The following BRDT variants were observed in gnomAD, a reference collection of about 807,000 sequenced individuals.
The protein encoded by BRDT is bromodomain testis associated.
In BRDT, 77 loss-of-function variants were observed where a neutral mutation model predicts 113.9. The observed-to-expected ratio is 0.68, with a 90% CI of 0.56 to 0.82. The LOEUF (loss-of-function observed/expected upper bound fraction) is 0.82, where lower values mean the gene tolerates loss of function less well. BRDT is among the 40% of genes least tolerant of loss of function. The probability of loss-of-function intolerance (pLI) is 0.00; values close to 1 mark genes in which losing one functional copy is unlikely to be tolerated. For synonymous variants in BRDT, 358 were observed against 366.5 expected (o/e 0.98, Z 0.26); for missense variants, 1,027 against 1,105.4 (o/e 0.93, Z 1.01).
At chr1:91,966,281 C>T (rs1018462927) in intron 3 of BRDT, among the ~76,000 whole-genome samples, 8 of 152,132 alleles carry the variant, frequency 5.3e-5, no homozygotes, top group Non-Finnish European at 1.0e-4. Context: ...TTTGTGATTT[C>T]GTTTATTCAA....
intron 12 of BRDT, among the ~76,000 whole-genome samples, chr1:91,988,766 T>C (rs1014124451): frequency 2.6e-5 from 4 of 152,172 alleles, no homozygotes; most frequent in African/African-American, 9.7e-5. Flanking sequence ...GAAATATGGC[T>C]GTAGTTTGGT....
At chr1:91,973,489 G>T (rs1016986308) in intron 4 of BRDT, among the ~76,000 whole-genome samples, 2 of 152,142 alleles carry the variant, frequency 1.3e-5, no homozygotes, top group East Asian at 3.9e-4. Flanking sequence ...CCTTGAAGAG[G>T]TCCTTCACAT....
intron 1 of BRDT, among the ~76,000 whole-genome samples, chr1:91,957,157 G>A (rs978757039): frequency 1.1e-4 from 16 of 152,154 alleles, no homozygotes; most frequent in African/African-American, 3.9e-4. Context: ...AAACTTTTGT[G>A]TTAGCGCTGA....
In BRDT at chr1:91,978,239, T is replaced by C; in HGVS notation, c.1041T>C (p.Asn347=). The change falls in exon 7 of 19, where the codon AAT becomes AAC. Residue 347 remains asparagine, a synonymous_variant. Transcript: ENST00000399546. ...FAADVRLMFM[N]CYKYNPPDHE... ...CAGATGTTAGATTAATGTTCATGAA[T>C]TGCTACAAGTACAATCCTCCAGATC... is the stretch of plus-strand genomic sequence containing the variant. 1 of 1,614,142 alleles carries C rather than the reference T, an allele frequency of 6.2e-7. No homozygotes were observed. The highest frequency in any genetic ancestry group is 8.5e-7 in the Non-Finnish European group (1 of 1,179,990).
chr1:91,983,901 T>C (rs977128585), intron 12 of BRDT, among the ~76,000 whole-genome samples: 16 of 152,160 alleles, frequency 1.1e-4, no homozygotes, highest in Admixed American at 4.6e-4. Context: ...AGGCTGGTCT[T>C]GAACTCCTGA....
At chr1:91,963,880 CT>C (rs755535465) in intron 2 of BRDT, among the ~76,000 whole-genome samples, 85 of 139,664 alleles carry the variant, frequency 6.1e-4, no homozygotes, top group Non-Finnish European at 5.9e-4. Flanking sequence ...AGAATATGGC[CT>C]TTTTTTTTTT....
At chr1:91,975,207 C>G (rs1236234510) in intron 4 of BRDT, among the ~76,000 whole-genome samples, 1 of 151,736 alleles carries the variant, frequency 6.6e-6, no homozygotes, top group Non-Finnish European at 1.5e-5. Context: ...GTGTAGCACA[C>G]CAACATGGCA....
chr1:91,977,521 G>GTGA, intron 6 of BRDT, 128 bp downstream of exon 6: 1 of 790,424 alleles, frequency 1.3e-6, no homozygotes, highest in Non-Finnish European at 1.9e-6. Context: ...ACTATCTGGA[G>GTGA]TGAGTCTCTG....
intron 17 of BRDT, 95 bp from the exon 18 acceptor site, chr1:92,005,023 CT>C (rs138799474): frequency 0.06 from 57,780 of 957,644 alleles, 1,928 homozygotes; most frequent in African/African-American, 0.097. Flanking sequence ...ACATGGTTGT[CT>C]TAATATATGG....
In BRDT at chr1:92,004,465, A is replaced by G; in HGVS notation, c.2440A>G (p.Lys814Glu). 6.2e-7 allele frequency: 1 copy of G among 1,610,820 alleles called. No individual in the cohort carries two copies. The highest frequency in any genetic ancestry group is 2.2e-5 in the East Asian group (1 of 44,790). Residue 814 changes from lysine to glutamate, a missense_variant, in exon 17 of 19, where the codon AAA (lysine) becomes GAA (glutamate). Transcript: ENST00000399546. ...ATGGAAAAGTTTAGGCAAACCAGTGAAACCATCAGGTGTAATGAAATCCTC... is the reference window on the plus strand; with the variant it reads ...ATGGAAAAGTTTAGGCAAACCAGTGGAACCATCAGGTGTAATGAAATCCTC... ...DSWKSLGKPV[K>E]PSGVMKSSDE...
At chr1:91,961,680 A>G (rs1319084879) in intron 1 of BRDT, among the ~76,000 whole-genome samples, 1 of 152,102 alleles carries the variant, frequency 6.6e-6, no homozygotes, top group Non-Finnish European at 1.5e-5. Flanking sequence ...ATTAGCCAGA[A>G]CATTTTTTTA....
rs774622302 is a variant in BRDT, at chr1:91,977,248, A to C, written c.824A>C (p.His275Pro). ...KTVKVTEQLR[H>P]CSEILKEMLA... is the part of the protein sequence containing the mutation. ...GTTAAAGTAACTGAACAATTAAGGC[A>C]CTGTAGTGAGATTCTTAAAGAAATG... is the stretch of plus-strand genomic sequence containing the variant. Residue 275 changes from histidine to proline, a missense_variant, in exon 6 of 19, where the codon CAC becomes CCC. Coordinates refer to ENST00000399546, the MANE Select transcript of BRDT (RefSeq NM_207189.4). 1 of 1,614,094 alleles carries C rather than the reference A, an allele frequency of 6.2e-7. No individual in the cohort carries two copies. Among genetic ancestry groups the C allele is most frequent in the African/African-American group, 1.3e-5 (1 of 75,060 alleles).
rs142071252 is a variant in BRDT at position 91,964,665 on chromosome 1, T to C, written c.231T>C (p.Asn77=). ...TTATAAAAAACCCAATGGATTTAAA[T>C]ACAATTAAGAAGCGCTTGGAGAATA... ...YTIIKNPMDL[N]TIKKRLENKY... The change falls in exon 3 of 19, where the codon AAT becomes AAC. Residue 77 remains asparagine (N), a synonymous_variant. Transcript: ENST00000399546. 1.4e-5 allele frequency: 21 copies of C among 1,484,474 alleles called. 1 individual carries two copies. The highest frequency in any genetic ancestry group is 1.8e-5 in the Non-Finnish European group (19 of 1,080,968). 92.0% of individuals were successfully genotyped at this position (1,484,474 alleles called of 1,614,324 possible).
At chr1:91,973,821 T>G (rs199814441) in intron 4 of BRDT, among the ~76,000 whole-genome samples, 1 of 152,146 alleles carries the variant, frequency 6.6e-6, no homozygotes, top group Non-Finnish European at 1.5e-5. Context: ...CTATGTTGAA[T>G]AGGAGTGGTG....
intron 15 of BRDT, 107 bp from the exon 16 acceptor site, chr1:92,001,942 T>A (rs1461384952): frequency 4.3e-6 from 3 of 691,544 alleles, no homozygotes; most frequent in Non-Finnish European, 7.1e-6. Context: ...AAAAAATTAG[T>A]CTCTTTGTTT....
At position 91,977,298 on chromosome 1, in the gene BRDT, G is replaced by T. The variant is rs1684243445; in HGVS notation, c.874G>T (p.Ala292Ser). Reference sequence around the variant, plus strand: ...GCTTGCAAAGAAACATTTTTCATATGCATGGCCCTTTTATAATCCTGTTGA... The same window carrying T: ...GCTTGCAAAGAAACATTTTTCATATTCATGGCCCTTTTATAATCCTGTTGA... ...EMLAKKHFSY[A>S]WPFYNPVDVN... is the part of the protein sequence containing the mutation. Residue 292 changes from alanine (A) to serine (S), a missense_variant, in exon 6 of 19, where the codon GCA (alanine) becomes TCA (serine). Coordinates refer to ENST00000399546, the MANE Select transcript of BRDT (RefSeq NM_207189.4). 1 of 1,613,936 alleles carries T rather than the reference G, an allele frequency of 6.2e-7. No homozygotes were observed. Among genetic ancestry groups the T allele is most frequent in the Non-Finnish European group, 8.5e-7 (1 of 1,179,978 alleles).
At position 92,002,153 on chromosome 1, in the gene BRDT, A is replaced by G. The variant is rs1471372175; in HGVS notation, c.2388+4A>G. 3 of 1,605,642 alleles carry G rather than the reference A, an allele frequency of 1.9e-6. No individual in the cohort carries two copies. The highest frequency in any genetic ancestry group is 2.2e-5 in the East Asian group (1 of 44,816). ...ATGTCAAGCTCCTGTACAGAAGGTA[A>G]AAGTAATTTTTTTTTTCTAACAAAT... On this transcript the variant is annotated splice_donor_region_variant and intron_variant, in intron 16 of 18. Transcript: ENST00000399546.
chr1:92,006,570 G>A (rs1038370353), intron 18 of BRDT, among the ~76,000 whole-genome samples: 2 of 151,904 alleles, frequency 1.3e-5, no homozygotes, highest in African/African-American at 2.4e-5. Flanking sequence ...GGGTTCAAGC[G>A]ATTCTTCTGC....
intron 8 of BRDT, among the ~76,000 whole-genome samples, chr1:91,980,087 C>T (rs186508851): frequency 4.6e-5 from 7 of 152,122 alleles, no homozygotes; most frequent in Admixed American, 3.9e-4. Context: ...TGTTCTGGAG[C>T]TCAAGTCTGA....
Sources: allele counts gnomAD v4.1 joint callset (sites outside exome capture counted in the v4.1 genomes callset), GRCh38; gene constraint gnomAD v4.1.1; transcripts MANE v1.5; gene names NCBI Gene and HGNC (gene_info 2026-07-23, HGNC 2026-07-21).